Variants in DMRT1 observed in about 807,000 individuals in gnomAD.
DMRT1 encodes doublesex- and mab-3-related transcription factor 1.
A neutral mutation model predicts 32.3 loss-of-function variants in DMRT1; 7 were observed. That is an observed-to-expected ratio of 0.22 (90% CI 0.12 to 0.41). The LOEUF is 0.41. Ranked by LOEUF, DMRT1 falls within the 10% of genes least tolerant of loss-of-function variation. The pLI, the probability that DMRT1 is intolerant of heterozygous loss-of-function variation, is 1.00. For synonymous variants in DMRT1, 278 were observed against 206.1 expected, an observed-to-expected ratio of 1.35 and a Z score of -2.99; for missense variants, 625 against 500.5, an observed-to-expected ratio of 1.25 and a Z score of -2.37.
chr9:874,586 G>A (rs868664125), intron 2 of DMRT1, among the ~76,000 whole-genome samples: 2 of 152,068 alleles, frequency 1.3e-5, no homozygotes, highest in Non-Finnish European at 2.9e-5. Context: ...CTCCTAGTTA[G>A]AAAAAGGGCC....
intron 2 of DMRT1, among the ~76,000 whole-genome samples, chr9:864,795 C>T (rs1039234501): frequency 6.6e-6 from 1 of 152,082 alleles, no homozygotes; most frequent in Non-Finnish European, 1.5e-5. Context: ...CCACCGTGCC[C>T]GCCAGCCAGT....
rs181304816 is a variant in DMRT1 at position 848,265 on chromosome 9, G to A, written c.538+1122G>A. Among the ~76,000 whole-genome samples the A allele has an allele frequency of 3.8e-3, 575 of 152,206 alleles. 4 individuals are homozygous for A. Among genetic ancestry groups the A allele is most frequent in the African/African-American group, 0.013 (548 of 41,522 alleles). ...TTTGGAGAAGTTACTTAAGCTCCCT[G>A]GGCCTTTTTTTCCTCTTGTCAAAAA... On this transcript the variant is annotated intron_variant, in intron 2 of 4. Coordinates refer to ENST00000382276, the MANE Select transcript of DMRT1 (RefSeq NM_021951.3).
At chr9:894,264 C>T in intron 3 of DMRT1, 69 bp downstream of exon 3, 4 of 1,503,658 alleles carry the variant, frequency 2.7e-6, no homozygotes, top group Admixed American at 1.7e-5. Flanking sequence ...CACACATGCA[C>T]ATACACACAG....
intron 2 of DMRT1, among the ~76,000 whole-genome samples, chr9:847,905 G>A (rs1179589981): frequency 6.6e-6 from 1 of 152,128 alleles, no homozygotes; most frequent in Non-Finnish European, 1.5e-5. Flanking sequence ...CATTTCATGT[G>A]CTTAATAGCC....
chr9:860,520 T>G (rs1815612649), intron 2 of DMRT1, among the ~76,000 whole-genome samples: 1 of 152,176 alleles, frequency 6.6e-6, no homozygotes, highest in African/African-American at 2.4e-5. Context: ...ATTCTATGGC[T>G]GCACTGAGCC....
chr9:918,934 A>G (rs1174901635), intron 4 of DMRT1, among the ~76,000 whole-genome samples: 4 of 152,212 alleles, frequency 2.6e-5, no homozygotes, highest in Non-Finnish European at 4.4e-5. Flanking sequence ...GGACACCTCA[A>G]AGGTCATCTC....
intron 3 of DMRT1, among the ~76,000 whole-genome samples, chr9:913,216 G>A (rs967283758): frequency 6.6e-6 from 1 of 152,202 alleles, no homozygotes; most frequent in Non-Finnish European, 1.5e-5. Context: ...AAATTGAAAA[G>A]CATTTTCCTT....
chr9:948,930 T>A (rs927830171), intron 4 of DMRT1, among the ~76,000 whole-genome samples: 1 of 148,310 alleles, frequency 6.7e-6, no homozygotes, highest in Non-Finnish European at 1.5e-5. Context: ...ATAATAATAA[T>A]AATAATAATA....
At chr9:958,597 C>T (rs1819670884) in intron 4 of DMRT1, among the ~76,000 whole-genome samples, 2 of 152,218 alleles carry the variant, frequency 1.3e-5, no homozygotes, top group African/African-American at 4.8e-5. Context: ...AAACTCCTGA[C>T]CTCAGGTGAT....
intron 2 of DMRT1, among the ~76,000 whole-genome samples, chr9:856,944 AC>A (rs1815424277): frequency 6.6e-6 from 1 of 152,036 alleles, no homozygotes; most frequent in South Asian, 2.1e-4. Flanking sequence ...GGTAATTAAA[AC>A]CCTGCGAGAG....
rs1815284258 is a variant in DMRT1, at chr9:854,111, C to T, written c.538+6968C>T. On this transcript the variant is annotated intron_variant, in intron 2 of 4. Coordinates refer to ENST00000382276, the MANE Select transcript of DMRT1 (RefSeq NM_021951.3). ...CAGGTGTGAGCCTACACACTAAGCC[C>T]ATTTTTTTTTTTTAATTTTTCAAGA... Among the ~76,000 whole-genome samples, 6 of 144,326 alleles carry T rather than the reference C, an allele frequency of 4.2e-5. 1 individual carries two copies. The South Asian group carries it at 6.4e-4, about 15-fold the overall frequency. 94.7% of individuals were successfully genotyped at this position (144,326 alleles called of 152,430 possible). A position where few individuals can be genotyped will look rare whatever the true frequency, so the allele number is the denominator to read the frequency against.
intron 2 of DMRT1, among the ~76,000 whole-genome samples, chr9:851,273 C>T (rs1839140668): frequency 6.6e-6 from 1 of 152,116 alleles, no homozygotes; most frequent in Non-Finnish European, 1.5e-5. Flanking sequence ...CAGTCTCGCT[C>T]TATCGCCCAG....
intron 4 of DMRT1, among the ~76,000 whole-genome samples, chr9:926,347 T>C (rs1818523165): frequency 6.6e-6 from 1 of 152,212 alleles, no homozygotes; most frequent in African/African-American, 2.4e-5. Context: ...AAAATTTAAC[T>C]AGTGATTAGC....
intron 3 of DMRT1, among the ~76,000 whole-genome samples, chr9:912,279 C>A (rs929060899): frequency 1.3e-5 from 2 of 152,176 alleles, no homozygotes; most frequent in African/African-American, 4.8e-5. Flanking sequence ...TTCTTTGACA[C>A]GTGGAGATTA....
At chr9:867,002 T>C (rs1816020876) in intron 2 of DMRT1, among the ~76,000 whole-genome samples, 1 of 152,144 alleles carries the variant, frequency 6.6e-6, no homozygotes. Context: ...CTAAAAGATG[T>C]AGATAAACTA....
At chr9:901,911 C>CCT (rs1817594517) in intron 3 of DMRT1, among the ~76,000 whole-genome samples, 1 of 114,318 alleles carries the variant, frequency 8.7e-6, no homozygotes, top group Admixed American at 9.2e-5. Flanking sequence ...GAAACTAGCC[C>CCT]TTTTTTTTTT....
At chr9:894,361 C>T (rs1474378527) in intron 3 of DMRT1, 166 bp downstream of exon 3, 1 of 723,180 alleles carries the variant, frequency 1.4e-6, no homozygotes, top group Non-Finnish European at 2.4e-6. Context: ...ATTTTGCACA[C>T]ATGTAGGCAC....
chr9:926,623 A>T (rs1564255913), intron 4 of DMRT1, among the ~76,000 whole-genome samples: 2 of 152,144 alleles, frequency 1.3e-5, no homozygotes, highest in Non-Finnish European at 2.9e-5. Context: ...TAGATTGAAT[A>T]CACAGAGCAA....
At chr9:958,038 T>A (rs1018548029) in intron 4 of DMRT1, among the ~76,000 whole-genome samples, 1 of 152,120 alleles carries the variant, frequency 6.6e-6, no homozygotes, top group Non-Finnish European at 1.5e-5. Context: ...TGAAAAATAC[T>A]AATAATTTAT....
Sources: allele counts gnomAD v4.1 joint callset (sites outside exome capture counted in the v4.1 genomes callset), GRCh38; gene constraint gnomAD v4.1.1; transcripts MANE v1.5; gene names NCBI Gene and HGNC (gene_info 2026-07-23, HGNC 2026-07-21).